ABCC4: variants seen among roughly 807,000 people sequenced by gnomAD.
ABCC4 encodes ATP-binding cassette sub-family C member 4.
A neutral mutation model predicts 168.5 loss-of-function variants in ABCC4; 102 were observed. That is an observed-to-expected ratio of 0.61 (90% confidence interval 0.52 to 0.71). ABCC4 has a LOEUF of 0.71. Ranked by LOEUF, ABCC4 falls within the 30% of genes least tolerant of loss-of-function variation. The probability of loss-of-function intolerance (pLI) is 0.00; values close to 1 mark genes in which losing one functional copy is unlikely to be tolerated. For missense variants in ABCC4, 1,402 were observed against 1,605.8 expected (o/e 0.87, Z 2.17); for synonymous variants, 617 against 590.7 (o/e 1.04, Z -0.65).
chr13:95,188,636 A>T, intron 9 of ABCC4, 94 bp from the exon 10 acceptor site: 1 of 985,002 alleles, frequency 1.0e-6, no homozygotes, highest in Admixed American at 2.5e-5. Flanking sequence ...TCATTGATAC[A>T]TGAACATAAC....
intron 25 of ABCC4, among the ~76,000 whole-genome samples, chr13:95,067,609 C>A (rs1376111267): frequency 2.6e-5 from 4 of 152,020 alleles, no homozygotes; most frequent in Admixed American, 1.3e-4. Flanking sequence ...CAAGCAGAGG[C>A]AGGTGATGCT....
chr13:95,293,001 C>T (rs370304740), intron 1 of ABCC4, among the ~76,000 whole-genome samples: 7 of 152,182 alleles, frequency 4.6e-5, no homozygotes, highest in African/African-American at 1.4e-4. Flanking sequence ...CTGGCAGGGA[C>T]GACATAGCGA....
chr13:95,134,932 G>A (rs1168507002), intron 19 of ABCC4, among the ~76,000 whole-genome samples: 1 of 152,024 alleles, frequency 6.6e-6, no homozygotes, highest in Non-Finnish European at 1.5e-5. Flanking sequence ...AACTTGGGGG[G>A]AAAAACAGAC....
chr13:95,162,158 A>T (rs1455469548), intron 18 of ABCC4, among the ~76,000 whole-genome samples: 1 of 152,206 alleles, frequency 6.6e-6, no homozygotes, highest in Non-Finnish European at 1.5e-5. Context: ...ATCAACGGGC[A>T]TTATCCTTAG....
chr13:95,036,214 A>C (rs1280892596), intron 29 of ABCC4, among the ~76,000 whole-genome samples: 1 of 152,264 alleles, frequency 6.6e-6, no homozygotes, highest in Non-Finnish European at 1.5e-5. Flanking sequence ...GACTAAGTAA[A>C]TAAGTGAACC....
chr13:95,088,807 G>A (rs990854385), intron 20 of ABCC4, among the ~76,000 whole-genome samples: 5 of 151,402 alleles, frequency 3.3e-5, no homozygotes, highest in Admixed American at 6.6e-5. Flanking sequence ...AGAAAAATGA[G>A]TAGCATATTA....
intron 4 of ABCC4, among the ~76,000 whole-genome samples, chr13:95,229,979 G>C (rs2039573798): frequency 6.6e-6 from 1 of 152,172 alleles, no homozygotes; most frequent in Admixed American, 6.5e-5. Context: ...CTGTGTCCCA[G>C]ATAGCTAAAA....
chr13:95,215,302 G>T (rs2138691862), intron 4 of ABCC4, among the ~76,000 whole-genome samples: 1 of 152,128 alleles, frequency 6.6e-6, no homozygotes, highest in South Asian at 2.1e-4. Flanking sequence ...CTCGGGGGCT[G>T]ACGTGGGAGA....
intron 1 of ABCC4, among the ~76,000 whole-genome samples, chr13:95,265,587 T>C (rs2040648251): frequency 6.6e-6 from 1 of 152,124 alleles, no homozygotes; most frequent in African/African-American, 2.4e-5. Flanking sequence ...AGGAAATTAC[T>C]GAACAGCTGC....
At chr13:95,298,510 C>T (rs2041595349) in intron 1 of ABCC4, among the ~76,000 whole-genome samples, 1 of 152,186 alleles carries the variant, frequency 6.6e-6, no homozygotes, top group Non-Finnish European at 1.5e-5. Context: ...GAATCTGCAT[C>T]TCTTAGAATC....
At chr13:95,163,423 C>T (rs372932046) in intron 17 of ABCC4, among the ~76,000 whole-genome samples, 187 bp downstream of exon 17, 9 of 152,148 alleles carry the variant, frequency 5.9e-5, no homozygotes, top group South Asian at 4.1e-4. Flanking sequence ...CATGATGCCG[C>T]GGATCAGACA....
At chr13:95,191,626 A>G (rs777182425) in intron 9 of ABCC4, among the ~76,000 whole-genome samples, 18 of 152,206 alleles carry the variant, frequency 1.2e-4, no homozygotes, top group Non-Finnish European at 2.5e-4. Flanking sequence ...TTCCTCCTCT[A>G]AAATGTAACG....
At chr13:95,051,955 G>A (rs191784365) in intron 27 of ABCC4, among the ~76,000 whole-genome samples, 233 of 152,138 alleles carry the variant, frequency 1.5e-3, no homozygotes, top group African/African-American at 4.1e-3. Flanking sequence ...ATGAGCCACC[G>A]GGCCTGGCCA....
chr13:95,056,902 G>A (rs191469693), intron 26 of ABCC4, among the ~76,000 whole-genome samples: 16 of 152,288 alleles, frequency 1.1e-4, no homozygotes, highest in East Asian at 1.9e-4. Flanking sequence ...TATGCCAACC[G>A]TTAGGGTGCT....
chr13:95,021,629 T>A lies in ABCC4; in HGVS notation c.3924A>T (p.Thr1308=). The change falls in exon 31 of 31, where the codon ACA becomes ACT. Residue 1308 remains threonine, a synonymous_variant. Coordinates refer to ENST00000645237, the MANE Select transcript of ABCC4 (RefSeq NM_005845.5). ...PHIGHTDHMV[T]NTSNGQPSTL... ...TCGAGGGCTGTCCATTGGAAGTGTT[T>A]GTAACCATGTGGTCAGTGTGACCAA... The A allele has an allele frequency of 6.2e-7, 1 of 1,613,572 alleles. No homozygotes were observed. The highest frequency in any genetic ancestry group is 8.5e-7 in the Non-Finnish European group (1 of 1,179,504).
chr13:95,114,603 C>G (rs2035311093), intron 20 of ABCC4, among the ~76,000 whole-genome samples: 1 of 152,034 alleles, frequency 6.6e-6, no homozygotes, highest in African/African-American at 2.4e-5. Context: ...TCCTTGTTTG[C>G]AGTAAAAATA....
At chr13:95,067,088 C>T (rs1394863855) in intron 25 of ABCC4, among the ~76,000 whole-genome samples, 1 of 152,112 alleles carries the variant, frequency 6.6e-6, no homozygotes, top group Non-Finnish European at 1.5e-5. Flanking sequence ...CCAGACAGAC[C>T]TAGTGTACTG....
chr13:95,053,046 A>G, intron 27 of ABCC4, 49 bp downstream of exon 27: 1 of 1,490,744 alleles, frequency 6.7e-7, no homozygotes, highest in Non-Finnish European at 9.4e-7. Flanking sequence ...AGGTACATAT[A>G]CACATACTGA....
chr13:95,193,099 G>C (rs916024925), intron 9 of ABCC4, among the ~76,000 whole-genome samples: 22 of 152,312 alleles, frequency 1.4e-4, no homozygotes, highest in Admixed American at 5.2e-4. Flanking sequence ...AGGCAAACAT[G>C]AAACAGGGAG....
Sources: gnomAD v4.1 joint callset for allele counts (sites outside exome capture counted in the v4.1 genomes callset) on GRCh38, gnomAD v4.1.1 for gene constraint, MANE v1.5 for transcripts, NCBI Gene and HGNC (gene_info 2026-07-23, HGNC 2026-07-21) for gene names.